Variants in NUP88 observed in about 807,000 individuals in gnomAD.
NUP88 encodes nuclear pore complex protein Nup88.
In NUP88, 57 loss-of-function variants were observed where a neutral mutation model predicts 93.9. The ratio of observed to expected loss-of-function variants is 0.61; its 90% CI spans 0.49 to 0.76. The LOEUF (loss-of-function observed/expected upper bound fraction) is 0.76, where lower values mean the gene tolerates loss of function less well. Among genes scored for constraint, NUP88 ranks in the 30% least tolerant of loss-of-function variants. The pLI is 0.00. For missense variants in NUP88, 911 were observed against 901.0 expected (o/e 1.01, Z -0.14); for synonymous variants, 346 against 336.8 (o/e 1.03, Z -0.30).
chr17:5,405,491 T>G (rs1913440303), intron 5 of NUP88, among the ~76,000 whole-genome samples: 1 of 152,184 alleles, frequency 6.6e-6, no homozygotes, highest in African/African-American at 2.4e-5. Flanking sequence ...CAACTGGTTG[T>G]CACAATGTGG....
At chr17:5,401,610 G>C (rs1004884429) in intron 7 of NUP88, among the ~76,000 whole-genome samples, 2 of 152,064 alleles carry the variant, frequency 1.3e-5, no homozygotes, top group Non-Finnish European at 2.9e-5. Flanking sequence ...AAACATCTTA[G>C]AAAACAGCAT....
At chr17:5,418,630 T>C (rs367787901) in intron 1 of NUP88, among the ~76,000 whole-genome samples, 239 of 152,254 alleles carry the variant, frequency 1.6e-3, no homozygotes, top group African/African-American at 5.4e-3. Context: ...TGCAGAAGCA[T>C]TGCTAGCGTC....
In NUP88 at chr17:5,404,181, C is replaced by T. The variant is rs750949030; in HGVS notation, c.1110G>A (p.Glu370=). 2.5e-6 allele frequency: 4 copies of T among 1,613,972 alleles called. No individual in the cohort carries two copies. The highest frequency in any genetic ancestry group is 3.4e-6 in the Non-Finnish European group (4 of 1,179,948). Residue 370 remains glutamate (E), a synonymous_variant, in exon 7 of 17, where the codon GAG becomes GAA. Coordinates refer to ENST00000573584, the MANE Select transcript of NUP88 (RefSeq NM_002532.6). ...IPSLYVFECV[E]LELALKLASG... is the part of the protein sequence containing the mutation. ...ATGCCAGTTTCAAAGCAAGCTCCAA[C>T]TCAACACATTCAAACACATACAGAG...
rs1911887911 is a variant in NUP88 at position 5,385,573 on chromosome 17, TAA to T, written c.*631_*632del. On this transcript the variant is annotated 3_prime_UTR_variant, in exon 17 of 17. Coordinates refer to ENST00000573584, the MANE Select transcript of NUP88 (RefSeq NM_002532.6). ...ATACTAACCTATTTTTTTCTCCCTTTAAGGTGCTAAACTTGCACCTCATGTCC... is the reference window on the plus strand; with the variant it reads ...ATACTAACCTATTTTTTTCTCCCTTTGGTGCTAAACTTGCACCTCATGTCC... 4.3e-6 allele frequency: 1 copy of T among 230,988 alleles called. No individual in the cohort carries two copies. Among genetic ancestry groups the T allele is most frequent in the East Asian group, 6.2e-5 (1 of 16,236 alleles). 14.3% of individuals were successfully genotyped at this position (230,988 alleles called of 1,614,324 possible).
At chr17:5,419,104 T>C (rs1914409497) in intron 1 of NUP88, among the ~76,000 whole-genome samples, 1 of 152,212 alleles carries the variant, frequency 6.6e-6, no homozygotes, top group Non-Finnish European at 1.5e-5. Flanking sequence ...TTAGCCCGCT[T>C]TGTTTTTCTC....
chr17:5,413,937 G>T, intron 3 of NUP88, 72 bp downstream of exon 3: 1 of 1,515,812 alleles, frequency 6.6e-7, no homozygotes, highest in Non-Finnish European at 9.1e-7. Flanking sequence ...GTTCTATGTT[G>T]AGCTGTTAAT....
chr17:5,413,877 G>A, intron 3 of NUP88, 132 bp downstream of exon 3: 1 of 903,488 alleles, frequency 1.1e-6, no homozygotes, highest in Non-Finnish European at 1.7e-6. Flanking sequence ...TTGAGAATGG[G>A]TTACAACAGC....
intron 15 of NUP88, 73 bp downstream of exon 15, chr17:5,386,911 T>G: frequency 6.3e-7 from 1 of 1,595,092 alleles, no homozygotes; most frequent in Admixed American, 1.7e-5. Context: ...TTTTTACATT[T>G]TTGTAAAATT....
chr17:5,406,817 A>G (rs1010164461), intron 5 of NUP88, among the ~76,000 whole-genome samples: 2 of 152,104 alleles, frequency 1.3e-5, no homozygotes, highest in East Asian at 1.9e-4. Context: ...ATGTTCTAAG[A>G]AAGTTTACAA....
chr17:5,390,021 C>T (rs567580447), intron 10 of NUP88, among the ~76,000 whole-genome samples: 14 of 151,650 alleles, frequency 9.2e-5, no homozygotes, highest in African/African-American at 3.1e-4. Context: ...TAAAAATTAG[C>T]TGGGCATGTG....
At position 5,405,365 on chromosome 17, in the gene NUP88, C is replaced by T; in HGVS notation, c.858-122G>A. On this transcript the variant is annotated intron_variant, in intron 5 of 16. Coordinates refer to ENST00000573584, the MANE Select transcript of NUP88 (RefSeq NM_002532.6). ...ACCTTCATTATAAATGTAGTGTATT[C>T]CCAATACTCCATCTTCTCGCTTTCC... 5.5e-6 allele frequency: 4 copies of T among 727,522 alleles called. No individual in the cohort carries two copies. In the South Asian group the frequency reaches 8.2e-5, roughly 15 times the overall value. The allele number at this position is 727,522 out of a possible 1,614,324, so 45.1% of individuals were successfully genotyped here. A position where few individuals can be genotyped will look rare whatever the true frequency, so the allele number is the denominator to read the frequency against.
chr17:5,415,559 T>TTTC (rs1248862522), intron 2 of NUP88, among the ~76,000 whole-genome samples: 3 of 152,154 alleles, frequency 2.0e-5, no homozygotes, highest in Admixed American at 6.5e-5. Context: ...CTAAAAGCAG[T>TTTC]TTCTACCTTA....
intron 16 of NUP88, among the ~76,000 whole-genome samples, 168 bp from the exon 17 acceptor site, chr17:5,386,437 CA>C (rs2144755782): frequency 6.6e-6 from 1 of 152,258 alleles, no homozygotes; most frequent in South Asian, 2.1e-4. Flanking sequence ...TTTAAGGTGG[CA>C]AACGGTGCAA....
At chr17:5,406,978 T>C (rs1320432335) in intron 5 of NUP88, among the ~76,000 whole-genome samples, 1 of 152,098 alleles carries the variant, frequency 6.6e-6, no homozygotes, top group African/African-American at 2.4e-5. Context: ...CTTTTGGGTT[T>C]TGGGCTAACG....
chr17:5,395,809 C>T (rs910067459), intron 8 of NUP88, among the ~76,000 whole-genome samples: 8 of 152,116 alleles, frequency 5.3e-5, no homozygotes, highest in Non-Finnish European at 7.4e-5. Flanking sequence ...TGAACCACCA[C>T]GCCTGGCCTG....
chr17:5,388,780 C>T (rs369090639), intron 11 of NUP88, 22 bp downstream of exon 11: 39 of 1,600,138 alleles, frequency 2.4e-5, no homozygotes, highest in Admixed American at 8.6e-5. Flanking sequence ...TTCATAAAAC[C>T]GCTATGCCCA....
intron 11 of NUP88, chr17:5,388,324 C>T (rs980541166): frequency 2.5e-5 from 4 of 156,880 alleles, no homozygotes; most frequent in South Asian, 3.4e-4. Flanking sequence ...GTCTCACTGT[C>T]GCCCAGGCTG....
chr17:5,387,186 T>C, intron 14 of NUP88, 76 bp from the exon 15 acceptor site: 1 of 1,529,820 alleles, frequency 6.5e-7, no homozygotes, highest in Non-Finnish European at 8.9e-7. Context: ...AGCTCATAAT[T>C]CATGAATCTG....
Position 5,408,785 on chromosome 17 carries a change from T to G in NUP88, c.805A>C (p.Ile269Leu), listed in dbSNP as rs368455984. The G allele has an allele frequency of 3.7e-6, 6 of 1,613,578 alleles. No homozygotes were observed. The highest frequency in any genetic ancestry group is 1.1e-5 in the South Asian group (1 of 90,994). ...KDEVVAYPLY[I>L]LYENGETFLT... ...AAAGTCTCTCCATTTTCATATAAGA[T>G]GTACAGTGGGTATGCCACTACTTCA... The change falls in exon 5 of 17, where the codon ATC becomes CTC. Residue 269 changes from isoleucine (I) to leucine (L), a missense_variant. Ile to Leu is a conservative substitution (Grantham distance 5). Coordinates refer to ENST00000573584, the MANE Select transcript of NUP88 (RefSeq NM_002532.6).
Sources: gnomAD v4.1 joint callset for allele counts (sites outside exome capture counted in the v4.1 genomes callset) on GRCh38, gnomAD v4.1.1 for gene constraint, MANE v1.5 for transcripts, NCBI Gene and HGNC (gene_info 2026-07-23, HGNC 2026-07-21) for gene names.